The following CDH13 variants were observed in gnomAD, a reference collection of about 807,000 sequenced individuals.
The protein encoded by CDH13 is cadherin 13.
Under a neutral mutation model 63.8 loss-of-function variants are expected in CDH13, and 24 were observed. The ratio of observed to expected loss-of-function variants is 0.38; its 90% CI spans 0.27 to 0.53. The LOEUF (loss-of-function observed/expected upper bound fraction) is 0.53. Ranked by LOEUF, CDH13 falls within the 20% of genes least tolerant of loss-of-function variation. CDH13 has a pLI of 0.85. For missense variants in CDH13, 1,049 were observed against 903.1 expected (o/e 1.16, Z -2.07); for synonymous variants, 503 against 355.3 (o/e 1.42, Z -4.67).
At chr16:82,864,236 A>C (rs1288701844) in intron 2 of CDH13, among the ~76,000 whole-genome samples, 1 of 152,164 alleles carries the variant, frequency 6.6e-6, no homozygotes, top group African/African-American at 2.4e-5. Flanking sequence ...ATTTCTTAGG[A>C]GACATTTTCA....
chr16:82,651,474 C>T (rs1256349312), intron 1 of CDH13, among the ~76,000 whole-genome samples: 2 of 152,228 alleles, frequency 1.3e-5, no homozygotes, highest in East Asian at 1.9e-4. Flanking sequence ...CGGTTTGAAT[C>T]CAGGTCTTCT....
At chr16:83,387,954 TC>T (rs1229398631) in intron 6 of CDH13, among the ~76,000 whole-genome samples, 7 of 152,188 alleles carry the variant, frequency 4.6e-5, no homozygotes, top group African/African-American at 7.2e-5. Flanking sequence ...GTTTTTACTT[TC>T]TCTGTTGGCA....
chr16:82,686,196 A>T (rs1196372641), intron 1 of CDH13, among the ~76,000 whole-genome samples: 1 of 152,166 alleles, frequency 6.6e-6, no homozygotes, highest in East Asian at 1.9e-4. Context: ...GTCTGGAGAG[A>T]GTGATCATAC....
chr16:83,436,208 A>G (rs1010963196), intron 6 of CDH13, among the ~76,000 whole-genome samples: 2 of 152,264 alleles, frequency 1.3e-5, no homozygotes, highest in African/African-American at 4.8e-5. Context: ...ATAGGGAACA[A>G]TGCAACAAAT....
chr16:82,982,118 G>GA (rs1245745428), intron 2 of CDH13, among the ~76,000 whole-genome samples: 2 of 151,894 alleles, frequency 1.3e-5, no homozygotes, highest in Non-Finnish European at 2.9e-5. Context: ...AATTTATTAG[G>GA]AAAAAAATTA....
At chr16:83,341,116 C>G (rs868584706) in intron 5 of CDH13, among the ~76,000 whole-genome samples, 1 of 152,186 alleles carries the variant, frequency 6.6e-6, no homozygotes, top group South Asian at 2.1e-4. Context: ...ATCAGAATGC[C>G]TCCCTTTGAA....
chr16:82,839,781 A>C (rs985861916), intron 1 of CDH13, among the ~76,000 whole-genome samples: 1 of 152,204 alleles, frequency 6.6e-6, no homozygotes, highest in African/African-American at 2.4e-5. Context: ...GAGGCTCTTC[A>C]CATTATCATA....
chr16:83,041,075 C>T (rs543399087), intron 3 of CDH13, among the ~76,000 whole-genome samples: 63 of 152,256 alleles, frequency 4.1e-4, no homozygotes, highest in African/African-American at 1.2e-3. Context: ...TTAACAAACT[C>T]CAAAAGACCT....
chr16:83,171,076 G>C (rs1336953717), intron 4 of CDH13, among the ~76,000 whole-genome samples: 1 of 152,030 alleles, frequency 6.6e-6, no homozygotes, highest in Non-Finnish European at 1.5e-5. Context: ...TTTATAAAGA[G>C]AAGAGGTTTA....
intron 7 of CDH13, among the ~76,000 whole-genome samples, chr16:83,568,723 T>C (rs372236522): frequency 1.3e-5 from 2 of 152,264 alleles, no homozygotes; most frequent in South Asian, 2.1e-4. Flanking sequence ...TCTGTAACAG[T>C]GTCTTTTCCA....
At chr16:83,330,527 CA>C (rs2090458114) in intron 5 of CDH13, among the ~76,000 whole-genome samples, 1 of 152,146 alleles carries the variant, frequency 6.6e-6, no homozygotes, top group Non-Finnish European at 1.5e-5. Context: ...GAGGCCAACC[CA>C]AAGTGCTAAG....
chr16:82,809,098 A>G (rs924163937), intron 1 of CDH13, among the ~76,000 whole-genome samples: 1 of 152,064 alleles, frequency 6.6e-6, no homozygotes, highest in African/African-American at 2.4e-5. Flanking sequence ...ACATATATGT[A>G]TTTTTCTAAG....
intron 1 of CDH13, among the ~76,000 whole-genome samples, chr16:82,847,445 G>A (rs1163792983): frequency 6.6e-6 from 1 of 152,166 alleles, no homozygotes; most frequent in South Asian, 2.1e-4. Context: ...CATCTTCAAA[G>A]TCAGCAATGT....
At chr16:83,015,353 T>C (rs1468989812) in intron 2 of CDH13, among the ~76,000 whole-genome samples, 2 of 151,708 alleles carry the variant, frequency 1.3e-5, no homozygotes, top group Non-Finnish European at 2.9e-5. Context: ...CAGTGATCAA[T>C]AGAATGACCA....
At chr16:83,121,413 T>A (rs1370015031) in intron 3 of CDH13, among the ~76,000 whole-genome samples, 1 of 152,254 alleles carries the variant, frequency 6.6e-6, no homozygotes, top group African/African-American at 2.4e-5. Context: ...TAAGGAGGGA[T>A]AAGATTTACT....
intron 6 of CDH13, among the ~76,000 whole-genome samples, chr16:83,363,813 T>C (rs1011724702): frequency 6.6e-6 from 1 of 152,048 alleles, no homozygotes; most frequent in African/African-American, 2.4e-5. Flanking sequence ...TCCTCCTCCA[T>C]AGAGGAGTTA....
At chr16:82,980,449 A>T (rs780690491) in intron 2 of CDH13, among the ~76,000 whole-genome samples, 5 of 152,200 alleles carry the variant, frequency 3.3e-5, no homozygotes, top group Non-Finnish European at 7.3e-5. Context: ...TGTACACAAG[A>T]TGGTGGATTG....
chr16:82,697,285 A>G (rs1158539467), intron 1 of CDH13, among the ~76,000 whole-genome samples: 3 of 152,134 alleles, frequency 2.0e-5, no homozygotes, highest in African/African-American at 4.8e-5. Context: ...GGTAAAGTTA[A>G]TAGCACAGTT....
chr16:83,123,518 AT>A (rs894766341), intron 3 of CDH13, among the ~76,000 whole-genome samples: 1 of 152,126 alleles, frequency 6.6e-6, no homozygotes. Flanking sequence ...ACCTCAGGTT[AT>A]CCACCCTCCT....
Sources: gnomAD v4.1 joint callset for allele counts (sites outside exome capture counted in the v4.1 genomes callset) on GRCh38, gnomAD v4.1.1 for gene constraint, MANE v1.5 for transcripts, NCBI Gene and HGNC (gene_info 2026-07-23, HGNC 2026-07-21) for gene names.